The following NRG3 variants were observed in gnomAD, a reference collection of about 807,000 sequenced individuals.
NRG3 encodes pro-neuregulin-3, membrane-bound isoform.
Under a neutral mutation model 66.9 loss-of-function variants are expected in NRG3, and 31 were observed. The observed-to-expected ratio is 0.46, with a 90% CI of 0.35 to 0.63. The LOEUF is 0.63. Among genes scored for constraint, NRG3 ranks in the 20% least tolerant of loss-of-function variants. The pLI, the probability that NRG3 is intolerant of heterozygous loss-of-function variation, is 0.00. For missense variants in NRG3, 910 were observed against 878.9 expected, an observed-to-expected ratio of 1.04 and a Z score of -0.45; for synonymous variants, 393 against 359.4, an observed-to-expected ratio of 1.09 and a Z score of -1.06.
At chr10:82,002,780 T>G (rs572354890) in intron 1 of NRG3, among the ~76,000 whole-genome samples, 4 of 152,182 alleles carry the variant, frequency 2.6e-5, no homozygotes, top group Non-Finnish European at 5.9e-5. Flanking sequence ...AGAAAATAGT[T>G]TCATGGCCAG....
At chr10:82,147,028 T>C (rs2070315637) in intron 1 of NRG3, among the ~76,000 whole-genome samples, 7 of 152,224 alleles carry the variant, frequency 4.6e-5, no homozygotes, top group Admixed American at 4.6e-4. Flanking sequence ...CCTGATTGTC[T>C]ATCTCCTGAG....
chr10:82,455,872 C>T (rs1172591328), intron 2 of NRG3, among the ~76,000 whole-genome samples: 1 of 152,102 alleles, frequency 6.6e-6, no homozygotes, highest in Admixed American at 6.5e-5. Context: ...CCCACTTCTG[C>T]CTCCCAAAGT....
chr10:81,999,268 T>G (rs2133655911), intron 1 of NRG3, among the ~76,000 whole-genome samples: 1 of 152,352 alleles, frequency 6.6e-6, no homozygotes, highest in South Asian at 2.1e-4. Flanking sequence ...AACTGACACT[T>G]TTTTAAAAGA....
intron 1 of NRG3, among the ~76,000 whole-genome samples, chr10:82,038,450 G>A (rs2062888646): frequency 6.6e-6 from 1 of 152,088 alleles, no homozygotes. Context: ...GTTGAAGCTG[G>A]TTGGAGCAGT....
chr10:82,760,018 A>G (rs2059238886), intron 3 of NRG3, among the ~76,000 whole-genome samples: 1 of 151,772 alleles, frequency 6.6e-6, no homozygotes, highest in South Asian at 2.1e-4. Flanking sequence ...AATATAAAAA[A>G]CTCCATTCAA....
intron 6 of NRG3, among the ~76,000 whole-genome samples, chr10:82,968,661 C>CGGGG (rs374549485): frequency 4.8e-5 from 7 of 146,800 alleles, no homozygotes; most frequent in Admixed American, 1.4e-4. Context: ...GGAAGGGAGG[C>CGGGG]AGGGAGGGAG....
intron 2 of NRG3, among the ~76,000 whole-genome samples, chr10:82,548,153 T>C (rs1007779136): frequency 2.0e-5 from 3 of 151,680 alleles, no homozygotes; most frequent in African/African-American, 7.3e-5. Context: ...ATATTCAAGG[T>C]TATATATTTT....
intron 1 of NRG3, among the ~76,000 whole-genome samples, chr10:82,292,249 A>C (rs1345181193): frequency 6.6e-6 from 1 of 152,154 alleles, no homozygotes; most frequent in Non-Finnish European, 1.5e-5. Context: ...GGGGAATGCA[A>C]ATAAAAACCA....
intron 1 of NRG3, among the ~76,000 whole-genome samples, chr10:82,048,060 A>G (rs1832453682): frequency 1.3e-5 from 2 of 151,278 alleles, no homozygotes; most frequent in South Asian, 2.1e-4. Context: ...TATCCTGAAT[A>G]TATATGCACC....
intron 3 of NRG3, among the ~76,000 whole-genome samples, chr10:82,821,591 A>G (rs2061958146): frequency 6.6e-6 from 1 of 152,136 alleles, no homozygotes; most frequent in Admixed American, 6.5e-5. Flanking sequence ...TAAACTTAGT[A>G]AGCATAATAA....
intron 3 of NRG3, among the ~76,000 whole-genome samples, chr10:82,864,322 AT>A (rs1406503504): frequency 1.3e-5 from 2 of 152,072 alleles, no homozygotes; most frequent in African/African-American, 4.8e-5. Flanking sequence ...GTATATATAT[AT>A]TTTTTTCCAA....
At chr10:82,303,840 C>A (rs1431242862) in intron 1 of NRG3, among the ~76,000 whole-genome samples, 2 of 151,930 alleles carry the variant, frequency 1.3e-5, no homozygotes, top group Non-Finnish European at 2.9e-5. Context: ...GCACACCAGC[C>A]TGGGGGACAG....
chr10:82,614,395 G>T (rs937362252), intron 2 of NRG3, among the ~76,000 whole-genome samples: 1 of 152,154 alleles, frequency 6.6e-6, no homozygotes, highest in Non-Finnish European at 1.5e-5. Context: ...ATAAATACTA[G>T]AGCTTTATGC....
chr10:82,290,459 G>A (rs544633024), intron 1 of NRG3, among the ~76,000 whole-genome samples: 5 of 152,162 alleles, frequency 3.3e-5, no homozygotes, highest in South Asian at 2.1e-4. Flanking sequence ...ATGAACTAAC[G>A]TGATTTTCTT....
In NRG3 at chr10:82,443,340, C is replaced by A. The variant is rs928577278; in HGVS notation, c.953+84472C>A. 6.6e-5 allele frequency among the ~76,000 whole-genome samples: 10 copies of A among 150,906 alleles called. No individual in the cohort carries two copies. The South Asian group carries it at 2.1e-3, about 31-fold the overall frequency. On this transcript the variant is annotated intron_variant, in intron 2 of 8. Transcript: ENST00000372141. ...CATGTAATAAATATTTATTGGACAC[C>A]TGTATTGTTCTAGATGGTAAAAAAA... is the stretch of plus-strand genomic sequence containing the variant.
intron 1 of NRG3, among the ~76,000 whole-genome samples, chr10:82,119,093 G>A (rs1433262490): frequency 6.6e-6 from 1 of 152,094 alleles, no homozygotes; most frequent in African/African-American, 2.4e-5. Flanking sequence ...AATGCAATGT[G>A]CAATACTTAA....
intron 2 of NRG3, among the ~76,000 whole-genome samples, chr10:82,494,986 G>C (rs528270155): frequency 5.0e-4 from 75 of 151,362 alleles, no homozygotes; most frequent in African/African-American, 1.5e-3. Context: ...TGTCACCCAG[G>C]CTGCAATGCA....
At chr10:82,352,884 GT>G (rs200054765) in intron 1 of NRG3, among the ~76,000 whole-genome samples, 9,094 of 138,456 alleles carry the variant, frequency 0.066, 538 homozygotes, top group African/African-American at 0.16. Flanking sequence ...TTGCTATGTG[GT>G]TTTTTTTTTT....
rs185076783 is a variant in NRG3 at position 82,211,145 on chromosome 10, C to A, written c.824-147594C>A. 9.1e-3 allele frequency among the ~76,000 whole-genome samples: 1,381 copies of A among 152,112 alleles called. 28 individuals are homozygous for A. Among genetic ancestry groups the A allele is most frequent in the Admixed American group, 0.017 (255 of 15,266 alleles). ...TTGGAAGATAATATTAAAATAAGAACCTTCTAAAATGCAACCTTAGGCATC... is the reference window on the plus strand; with the variant it reads ...TTGGAAGATAATATTAAAATAAGAAACTTCTAAAATGCAACCTTAGGCATC... On this transcript the variant is annotated intron_variant, in intron 1 of 8. Transcript: ENST00000372141.
Sources: gnomAD v4.1 joint callset for allele counts (sites outside exome capture counted in the v4.1 genomes callset) on GRCh38, gnomAD v4.1.1 for gene constraint, MANE v1.5 for transcripts, NCBI Gene and HGNC (gene_info 2026-07-23, HGNC 2026-07-21) for gene names.